CAPN5: variants seen among roughly 807,000 people sequenced by gnomAD.
CAPN5 encodes the protein calpain 5.
Under a neutral mutation model 73.0 loss-of-function variants are expected in CAPN5, and 54 were observed. The observed-to-expected ratio is 0.74, with a 90% CI of 0.59 to 0.93. CAPN5 has a LOEUF of 0.93. CAPN5 is among the 40% of genes least tolerant of loss of function. The probability of loss-of-function intolerance (pLI) is 0.00; values close to 1 mark genes in which losing one functional copy is unlikely to be tolerated. For missense variants in CAPN5, 785 were observed against 882.9 expected (o/e 0.89, Z 1.41); for synonymous variants, 335 against 356.9 (o/e 0.94, Z 0.69).
intron 3 of CAPN5, among the ~76,000 whole-genome samples, chr11:77,094,652 T>C (rs569059810): frequency 1.3e-5 from 2 of 152,186 alleles, no homozygotes; most frequent in Non-Finnish European, 2.9e-5. Flanking sequence ...GCACTGGACA[T>C]CTGCATCTCC....
At chr11:77,108,971 C>G (rs1950381977) in intron 3 of CAPN5, among the ~76,000 whole-genome samples, 1 of 151,994 alleles carries the variant, frequency 6.6e-6, no homozygotes, top group African/African-American at 2.4e-5. Context: ...GTAGGGTTTC[C>G]CATGGTGTGG....
In CAPN5 at chr11:77,112,754, C is replaced by T. The variant is rs782741590; in HGVS notation, c.463C>T (p.Arg155Cys). Reference protein sequence around the residue: ...NQLIYCHSNSRNEFWCALVEK... With the variant: ...NQLIYCHSNSCNEFWCALVEK... The stretch of plus-strand genomic sequence containing the variant: ...GCTCATCTACTGCCACTCCAACTCC[C>T]GCAATGAGTTTTGGTGCGCCCTAGT... The change falls in exon 4 of 13, where the codon CGC becomes TGC. Residue 155 changes from arginine (R) to cysteine (C), a missense_variant. Physicochemically the swap from Arg to Cys is radical, Grantham distance 180. Transcript: ENST00000648180. The T allele has an allele frequency of 1.2e-5, 19 of 1,614,152 alleles. No homozygotes were observed. The highest frequency in any genetic ancestry group is 3.3e-5 in the Admixed American group (2 of 60,014).
intron 6 of CAPN5, 81 bp from the exon 7 acceptor site, chr11:77,116,145 C>T: frequency 1.5e-6 from 2 of 1,343,218 alleles, no homozygotes; most frequent in Non-Finnish European, 2.1e-6. Context: ...CCCCTCGTGC[C>T]TCCTCGCCTT....
At chr11:77,079,783 T>TTGTGTG (rs147108363) in intron 1 of CAPN5, among the ~76,000 whole-genome samples, 26,582 of 148,096 alleles carry the variant, frequency 0.18, 2,319 homozygotes, top group Middle Eastern at 0.22. Flanking sequence ...CTACTTGAGA[T>TTGTGTG]TGTGTGTGTG....
At position 77,105,211 on chromosome 11, in the gene CAPN5, G is replaced by A. The variant is rs147104607; in HGVS notation, c.298-7378G>A. Among the ~76,000 whole-genome samples the A allele has an allele frequency of 1.3e-3, 196 of 151,972 alleles. 1 individual carries two copies. Among genetic ancestry groups the A allele is most frequent in the Non-Finnish European group, 2.3e-3 (155 of 67,936 alleles). The stretch of plus-strand genomic sequence containing the variant: ...CAATAAAGCCTGTGCCCTGGCCTCG[G>A]TGGTGTGCAGTGTCTCGCCATCAGC... On this transcript the variant is annotated intron_variant, in intron 3 of 12. Transcript: ENST00000648180.
At chr11:77,103,020 C>T (rs782569854) in intron 3 of CAPN5, 25 of 1,613,454 alleles carry the variant, frequency 1.5e-5, no homozygotes, top group Non-Finnish European at 2.0e-5. Context: ...CACCCAGCAG[C>T]AGCGGCTACA....
At chr11:77,083,476 G>A (rs924784628) in intron 1 of CAPN5, among the ~76,000 whole-genome samples, 1 of 152,192 alleles carries the variant, frequency 6.6e-6, no homozygotes, top group African/African-American at 2.4e-5. Context: ...CTGGGTTCCC[G>A]TCCGGACACC....
chr11:77,081,991 G>C (rs1950032673), intron 1 of CAPN5, among the ~76,000 whole-genome samples: 1 of 152,028 alleles, frequency 6.6e-6, no homozygotes, highest in Non-Finnish European at 1.5e-5. Flanking sequence ...TCAATCCCTG[G>C]AGCCCCACAT....
chr11:77,071,400 G>A (rs1949905211), intron 1 of CAPN5, among the ~76,000 whole-genome samples: 1 of 152,228 alleles, frequency 6.6e-6, no homozygotes, highest in African/African-American at 2.4e-5. Flanking sequence ...CTTTCAGGGT[G>A]GAGTGCAGCT....
intron 3 of CAPN5, among the ~76,000 whole-genome samples, chr11:77,108,733 G>C (rs1393304246): frequency 3.0e-5 from 4 of 134,486 alleles, no homozygotes; most frequent in Non-Finnish European, 4.8e-5. Context: ...AAAGATAAGG[G>C]CTCAAAAAAA....
chr11:77,087,043 A>G (rs556321438), intron 2 of CAPN5, among the ~76,000 whole-genome samples: 21 of 152,268 alleles, frequency 1.4e-4, no homozygotes, highest in African/African-American at 4.8e-4. Context: ...ATGTGGGGGC[A>G]GGTGACAGAG....
chr11:77,066,989 G>C lies in CAPN5; in HGVS notation c.-141G>C, dbSNP rs1949847686. The stretch of plus-strand genomic sequence containing the variant: ...GCAGGCCAGTCCCAGCTGGATCTCC[G>C]GCCAGAGCCCGAGGCTGCTGCGCCG... On this transcript the variant is annotated 5_prime_UTR_variant, in exon 1 of 13. Transcript: ENST00000648180. The C allele has an allele frequency of 6.6e-5, 10 of 151,996 alleles. No individual in the cohort carries two copies. The highest frequency in any genetic ancestry group is 6.6e-4 in the Admixed American group (10 of 15,256). The allele number at this position is 151,996 out of a possible 1,614,324, so 9.4% of individuals were successfully genotyped here. A position where few individuals can be genotyped will look rare whatever the true frequency, so the allele number is the denominator to read the frequency against.
intron 1 of CAPN5, among the ~76,000 whole-genome samples, chr11:77,079,637 A>T (rs1950009168): frequency 6.6e-6 from 1 of 152,194 alleles, no homozygotes; most frequent in African/African-American, 2.4e-5. Context: ...ATGCATTTCT[A>T]TTGGACATAT....
intron 3 of CAPN5, among the ~76,000 whole-genome samples, chr11:77,106,437 T>G (rs1950349630): frequency 6.6e-6 from 1 of 151,920 alleles, no homozygotes; most frequent in Non-Finnish European, 1.5e-5. Flanking sequence ...AATGACCCAT[T>G]TTCCCTGGAA....
At chr11:77,114,000 CTT>C (rs1191478199) in intron 4 of CAPN5, among the ~76,000 whole-genome samples, 8 of 144,474 alleles carry the variant, frequency 5.5e-5, no homozygotes, top group Non-Finnish European at 3.1e-5. Flanking sequence ...AAAAGAGTTG[CTT>C]TTTTTTTTTT....
intron 3 of CAPN5, 96 bp from the exon 4 acceptor site, chr11:77,112,493 A>T (rs1555040879): frequency 1.1e-6 from 1 of 950,604 alleles, no homozygotes; most frequent in African/African-American, 1.6e-5. Flanking sequence ...ATTCCTTTAC[A>T]TTCCGATTCG....
chr11:77,105,305 G>C (rs58926968), intron 3 of CAPN5, among the ~76,000 whole-genome samples: 2,913 of 152,068 alleles, frequency 0.019, 95 homozygotes, highest in African/African-American at 0.064. Context: ...CACTCCCCCA[G>C]CCCTTGCCAC....
chr11:77,125,393 A>G lies in CAPN5; in HGVS notation c.*1523A>G, dbSNP rs1043420. 0.25 allele frequency: 38,232 copies of G among 152,336 alleles called. 4,941 individuals are homozygous for G. The highest frequency in any genetic ancestry group is 0.34 in the South Asian group (1,621 of 4,810). 9.4% of individuals were successfully genotyped at this position (152,336 alleles called of 1,614,324 possible). A position where few individuals can be genotyped will look rare whatever the true frequency, so the allele number is the denominator to read the frequency against. On this transcript the variant is annotated 3_prime_UTR_variant, in exon 13 of 13. Coordinates refer to ENST00000648180, the MANE Select transcript of CAPN5 (RefSeq NM_004055.5). ...CAGGAAATGAACGACAAGGAGGATA[A>G]GAGTGTTCTTTCTTGAAAGCCGGGA...
intron 2 of CAPN5, chr11:77,087,857 C>T (rs564380737): frequency 3.3e-6 from 5 of 1,523,424 alleles, no homozygotes; most frequent in Non-Finnish European, 4.4e-6. Context: ...GGGACCAGGC[C>T]TTGTCCTCTT....
Sources: allele counts gnomAD v4.1 joint callset (sites outside exome capture counted in the v4.1 genomes callset), GRCh38; gene constraint gnomAD v4.1.1; transcripts MANE v1.5; gene names NCBI Gene and HGNC (gene_info 2026-07-23, HGNC 2026-07-21).